Variants in EDIL3 observed in about 807,000 individuals in gnomAD.
The protein encoded by EDIL3 is EGF like and discoidin domains 3.
Under a neutral mutation model 67.4 loss-of-function variants are expected in EDIL3, and 37 were observed. That is an observed-to-expected ratio of 0.55 (90% confidence interval 0.42 to 0.72). The LOEUF (loss-of-function observed/expected upper bound fraction) is 0.72. Among genes scored for constraint, EDIL3 ranks in the 30% least tolerant of loss-of-function variants. EDIL3 has a pLI of 0.00. For missense variants in EDIL3, 527 were observed against 586.3 expected, an observed-to-expected ratio of 0.90 and a Z score of 1.04; for synonymous variants, 195 against 196.3, an observed-to-expected ratio of 0.99 and a Z score of 0.05.
intron 6 of EDIL3, among the ~76,000 whole-genome samples, chr5:84,081,678 T>C (rs1055621854): frequency 6.6e-6 from 1 of 152,198 alleles, no homozygotes; most frequent in Non-Finnish European, 1.5e-5. Flanking sequence ...CCAATAAGCA[T>C]TGGCTCTTTA....
intron 6 of EDIL3, among the ~76,000 whole-genome samples, chr5:84,085,007 G>T (rs1164300562): frequency 6.6e-6 from 1 of 151,982 alleles, no homozygotes. Flanking sequence ...ACATAATCAG[G>T]GTATTTTGTT....
intron 1 of EDIL3, among the ~76,000 whole-genome samples, chr5:84,290,722 T>G (rs565432634): frequency 1.3e-5 from 2 of 152,332 alleles, no homozygotes; most frequent in South Asian, 4.1e-4. Flanking sequence ...TTCAACCTAA[T>G]GTATAAACAT....
At chr5:84,370,536 G>C (rs549265345) in intron 1 of EDIL3, among the ~76,000 whole-genome samples, 1 of 152,272 alleles carries the variant, frequency 6.6e-6, no homozygotes, top group South Asian at 2.1e-4. Flanking sequence ...ACACCACTAA[G>C]TACTTTGTTT....
At chr5:84,028,677 CAT>C (rs1346394948) in intron 9 of EDIL3, among the ~76,000 whole-genome samples, 1 of 151,946 alleles carries the variant, frequency 6.6e-6, no homozygotes, top group African/African-American at 2.4e-5. Flanking sequence ...CATACAAACA[CAT>C]ATATGTATGT....
In EDIL3 at chr5:84,357,140, G is replaced by C. The variant is rs1747504867; in HGVS notation, c.67+27168C>G. 2.6e-5 allele frequency among the ~76,000 whole-genome samples: 4 copies of C among 151,956 alleles called. No homozygotes were observed. The South Asian group carries it at 6.2e-4, about 24-fold the overall frequency. ...AGGTTTCACCATGTTAGCCAGGCTA[G>C]TGTTGAACACCTGACCTCAAGTGAT... On this transcript the variant is annotated intron_variant, in intron 1 of 10. Transcript: ENST00000296591.
chr5:84,384,623 C>T lies in EDIL3; in HGVS notation c.-249G>A. ...AGGTGGGTGAGCTCCGGGGAGCCGC[C>T]GGCGGGCTCAGCCCTCCGCTGCGGG... On this transcript the variant is annotated 5_prime_UTR_variant, in exon 1 of 11. Transcript: ENST00000296591. 1 of 305,738 alleles carries T rather than the reference C, an allele frequency of 3.3e-6. No individual in the cohort carries two copies. The highest frequency in any genetic ancestry group is 6.0e-6 in the Non-Finnish European group (1 of 167,412). 18.9% of individuals were successfully genotyped at this position (305,738 alleles called of 1,614,324 possible). A position where few individuals can be genotyped will look rare whatever the true frequency, so the allele number is the denominator to read the frequency against.
At chr5:84,213,381 T>G (rs1744167593) in intron 3 of EDIL3, among the ~76,000 whole-genome samples, 1 of 152,212 alleles carries the variant, frequency 6.6e-6, no homozygotes, top group Non-Finnish European at 1.5e-5. Flanking sequence ...CCCAACACAC[T>G]TAAACACTAA....
intron 1 of EDIL3, among the ~76,000 whole-genome samples, chr5:84,363,399 G>A (rs939196504): frequency 2.7e-5 from 4 of 149,428 alleles, no homozygotes; most frequent in African/African-American, 2.5e-5. Flanking sequence ...GCAGTGAGCC[G>A]AGATCGCGCC....
intron 1 of EDIL3, among the ~76,000 whole-genome samples, chr5:84,334,067 ATT>A (rs5869222): frequency 7.6e-4 from 108 of 142,014 alleles, no homozygotes; most frequent in Middle Eastern, 7.4e-3. Flanking sequence ...GGAAGAGTTG[ATT>A]TTTTTTTTTT....
chr5:84,040,591 A>C (rs1260787491), intron 9 of EDIL3, among the ~76,000 whole-genome samples: 1 of 151,274 alleles, frequency 6.6e-6, no homozygotes, highest in Non-Finnish European at 1.5e-5. Context: ...CATAAATTTT[A>C]GATTTGATTC....
intron 5 of EDIL3, among the ~76,000 whole-genome samples, chr5:84,120,527 G>T (rs1747757491): frequency 6.6e-6 from 1 of 151,950 alleles, no homozygotes; most frequent in Admixed American, 6.6e-5. Context: ...TGACACAGAT[G>T]CCGTGGCATG....
chr5:84,249,476 T>C (rs1431197926), intron 2 of EDIL3, among the ~76,000 whole-genome samples: 1 of 149,778 alleles, frequency 6.7e-6, no homozygotes, highest in African/African-American at 2.5e-5. Flanking sequence ...TCTGTCTGTA[T>C]GTATGTCTGT....
chr5:83,995,238 C>T (rs964772093), intron 9 of EDIL3, among the ~76,000 whole-genome samples: 1 of 151,738 alleles, frequency 6.6e-6, no homozygotes, highest in African/African-American at 2.4e-5. Flanking sequence ...CCCTACAGAC[C>T]ATCCAGCCCT....
intron 9 of EDIL3, among the ~76,000 whole-genome samples, chr5:83,998,047 A>G (rs2161135): frequency 0.068 from 10,317 of 152,172 alleles, 1,098 homozygotes; most frequent in African/African-American, 0.23. Context: ...AAACTTGAAA[A>G]GCAGTCTAGG....
At chr5:84,199,262 C>T (rs1743781765) in intron 3 of EDIL3, among the ~76,000 whole-genome samples, 1 of 151,940 alleles carries the variant, frequency 6.6e-6, no homozygotes, top group Non-Finnish European at 1.5e-5. Context: ...ATATAACCAT[C>T]CTCCCCTTTA....
chr5:84,338,011 A>C (rs999686826), intron 1 of EDIL3, among the ~76,000 whole-genome samples: 2 of 152,192 alleles, frequency 1.3e-5, no homozygotes, highest in African/African-American at 4.8e-5. Context: ...TGACCTATAC[A>C]CATAGATAAA....
intron 5 of EDIL3, among the ~76,000 whole-genome samples, chr5:84,130,431 T>A (rs1043532943): frequency 2.0e-5 from 3 of 152,172 alleles, no homozygotes; most frequent in African/African-American, 7.2e-5. Flanking sequence ...TTGTGGCTAG[T>A]TTATTTGATC....
chr5:84,161,423 C>A (rs1478692713), intron 4 of EDIL3, among the ~76,000 whole-genome samples: 1 of 151,966 alleles, frequency 6.6e-6, no homozygotes, highest in Non-Finnish European at 1.5e-5. Flanking sequence ...TAAAGATTCA[C>A]CCCAACCAAA....
chr5:84,133,464 C>CAAAAAAAAAAAAAAAAAA (rs5869210), intron 5 of EDIL3, among the ~76,000 whole-genome samples: 10 of 86,540 alleles, frequency 1.2e-4, no homozygotes, highest in Non-Finnish European at 1.1e-4. Context: ...ACTAAAAATA[C>CAAAAAAAAAAAAAAAAAA]AAAAAAAAAA....
Sources: allele counts gnomAD v4.1 joint callset (sites outside exome capture counted in the v4.1 genomes callset), GRCh38; gene constraint gnomAD v4.1.1; transcripts MANE v1.5; gene names NCBI Gene and HGNC (gene_info 2026-07-23, HGNC 2026-07-21).